ERC2: variants seen among roughly 807,000 people sequenced by gnomAD.
ERC2 encodes the protein ERC protein 2.
Under a neutral mutation model 114.8 loss-of-function variants are expected in ERC2, and 42 were observed. The observed-to-expected ratio is 0.37, with a 90% CI of 0.29 to 0.47. ERC2 has a LOEUF of 0.47. Among genes scored for constraint, ERC2 ranks in the 20% least tolerant of loss-of-function variants. The probability of loss-of-function intolerance (pLI) is 0.99; values close to 1 mark genes in which losing one functional copy is unlikely to be tolerated. For synonymous variants in ERC2, 454 were observed against 425.5 expected (o/e 1.07, Z -0.82); for missense variants, 939 against 1,150.7 (o/e 0.82, Z 2.66).
intron 3 of ERC2, among the ~76,000 whole-genome samples, chr3:56,213,872 C>T (rs922127797): frequency 1.3e-5 from 2 of 152,152 alleles, no homozygotes; most frequent in African/African-American, 4.8e-5. Flanking sequence ...GCAGCCTCCA[C>T]TGCTGATACC....
At chr3:55,529,822 A>C (rs1257288583) in intron 17 of ERC2, among the ~76,000 whole-genome samples, 4 of 152,206 alleles carry the variant, frequency 2.6e-5, no homozygotes, top group Non-Finnish European at 5.9e-5. Flanking sequence ...TGCAGAAGAC[A>C]CAGGAGAAGT....
chr3:56,377,253 C>T (rs745326145), intron 2 of ERC2, among the ~76,000 whole-genome samples: 3 of 152,068 alleles, frequency 2.0e-5, no homozygotes, highest in Non-Finnish European at 4.4e-5. Flanking sequence ...CACATGAAAA[C>T]ATAAACAATC....
intron 3 of ERC2, among the ~76,000 whole-genome samples, chr3:56,198,709 G>A (rs1443431435): frequency 6.6e-6 from 1 of 152,236 alleles, no homozygotes; most frequent in East Asian, 1.9e-4. Context: ...CTGACGTTCA[G>A]TCAAAATATG....
At chr3:55,682,842 C>A (rs2062124937) in intron 17 of ERC2, among the ~76,000 whole-genome samples, 1 of 152,192 alleles carries the variant, frequency 6.6e-6, no homozygotes, top group Non-Finnish European at 1.5e-5. Flanking sequence ...AAGTTTAATA[C>A]CATATTCCAT....
intron 13 of ERC2, among the ~76,000 whole-genome samples, chr3:55,944,105 T>C (rs1252736186): frequency 2.0e-5 from 3 of 152,352 alleles, no homozygotes; most frequent in Non-Finnish European, 4.4e-5. Context: ...GACTATACCA[T>C]TCAAGCAAGA....
At chr3:56,158,146 A>G (rs919463557) in intron 4 of ERC2, among the ~76,000 whole-genome samples, 6 of 152,312 alleles carry the variant, frequency 3.9e-5, no homozygotes, top group African/African-American at 1.4e-4. Context: ...CCAGTCATCA[A>G]GCCTCAGACT....
intron 13 of ERC2, among the ~76,000 whole-genome samples, chr3:55,892,240 C>T (rs932626963): frequency 8.5e-5 from 13 of 152,312 alleles, no homozygotes; most frequent in South Asian, 2.1e-4. Flanking sequence ...GACAGTGGCT[C>T]ACACCTATAA....
chr3:56,227,425 T>A (rs1413996621), intron 3 of ERC2, among the ~76,000 whole-genome samples: 3 of 132,378 alleles, frequency 2.3e-5, no homozygotes, highest in Non-Finnish European at 5.2e-5. Context: ...TTTTTTTTTT[T>A]AATTAAAAAA....
rs77658785 is a variant in ERC2 at position 55,820,922 on chromosome 3, G to A, written c.2564+67467C>T. On this transcript the variant is annotated intron_variant, in intron 14 of 17. Coordinates refer to ENST00000288221, the MANE Select transcript of ERC2 (RefSeq NM_015576.3). ...GAGGGAGACAGCCTTCTTAGCCCCA[G>A]TGTCAGGCTAATGTTTTATAACTTG... Among the ~76,000 whole-genome samples the A allele has an allele frequency of 9.0e-3, 1,377 of 152,298 alleles. 23 individuals carry two copies. Among genetic ancestry groups the A allele is most frequent in the African/African-American group, 0.031 (1,289 of 41,564 alleles).
intron 3 of ERC2, among the ~76,000 whole-genome samples, chr3:56,183,866 A>G (rs2083433648): frequency 6.6e-6 from 1 of 152,132 alleles, no homozygotes. Context: ...AGAATGTATT[A>G]GCCCATATAT....
At chr3:55,520,660 A>G (rs924005961) in intron 17 of ERC2, among the ~76,000 whole-genome samples, 3 of 152,176 alleles carry the variant, frequency 2.0e-5, no homozygotes, top group African/African-American at 7.2e-5. Context: ...TGAACATTTC[A>G]CTGGGGCACC....
intron 14 of ERC2, among the ~76,000 whole-genome samples, chr3:55,739,729 T>C (rs904123387): frequency 2.0e-5 from 3 of 152,212 alleles, no homozygotes; most frequent in Non-Finnish European, 4.4e-5. Context: ...TGACGATAGT[T>C]TCTTTTGCTG....
At chr3:56,453,071 C>T (rs2062895261) in intron 1 of ERC2, among the ~76,000 whole-genome samples, 2 of 152,154 alleles carry the variant, frequency 1.3e-5, no homozygotes, top group African/African-American at 4.8e-5. Flanking sequence ...GCAAGTAAAA[C>T]TTTAGCCCAT....
chr3:55,522,198 G>T (rs566793188), intron 17 of ERC2, among the ~76,000 whole-genome samples: 5 of 152,278 alleles, frequency 3.3e-5, no homozygotes, highest in African/African-American at 1.2e-4. Context: ...CTTCTCTGGG[G>T]GGAGGGGACC....
chr3:56,045,675 A>C (rs542245384), intron 7 of ERC2, among the ~76,000 whole-genome samples: 2 of 152,278 alleles, frequency 1.3e-5, no homozygotes, highest in East Asian at 1.9e-4. Flanking sequence ...GATTTCTGGA[A>C]ATTAAGAGTT....
At chr3:55,694,566 A>G (rs893437996) in intron 16 of ERC2, among the ~76,000 whole-genome samples, 2 of 152,244 alleles carry the variant, frequency 1.3e-5, no homozygotes, top group African/African-American at 4.8e-5. Context: ...AAGGTGGTCA[A>G]AATCCCTCGA....
intron 12 of ERC2, among the ~76,000 whole-genome samples, chr3:55,975,366 A>G (rs1176769747): frequency 2.0e-5 from 3 of 151,996 alleles, no homozygotes; most frequent in Non-Finnish European, 4.4e-5. Flanking sequence ...TCCAATTTCC[A>G]TAGTTTCTTC....
rs532605004 is a variant in ERC2, at chr3:56,019,196, T to C, written c.1642-165A>G. 6.8e-4 allele frequency among the ~76,000 whole-genome samples: 104 copies of C among 152,314 alleles called. No individual in the cohort carries two copies. The Middle Eastern group carries it at 0.01, about 15-fold the overall frequency. On this transcript the variant is annotated intron_variant, in intron 7 of 17. Transcript: ENST00000288221. The stretch of plus-strand genomic sequence containing the variant: ...AGGCCATTTTGATGAAATCTTCATT[T>C]CTCCATTTAGTTCAAGTCTGTCTTT...
intron 3 of ERC2, among the ~76,000 whole-genome samples, chr3:56,179,131 T>C (rs1194445905): frequency 6.6e-6 from 1 of 151,796 alleles, no homozygotes; most frequent in Non-Finnish European, 1.5e-5. Context: ...TGGGCTGCAT[T>C]CAAAGCCGTC....
Sources: gnomAD v4.1 joint callset for allele counts (sites outside exome capture counted in the v4.1 genomes callset) on GRCh38, gnomAD v4.1.1 for gene constraint, MANE v1.5 for transcripts, NCBI Gene and HGNC (gene_info 2026-07-23, HGNC 2026-07-21) for gene names.